CSF2RB: variants seen among roughly 807,000 people sequenced by gnomAD.
CSF2RB encodes the protein cytokine receptor common subunit beta.
Under a neutral mutation model 67.2 loss-of-function variants are expected in CSF2RB, and 22 were observed. The observed-to-expected ratio is 0.33, with a 90% CI of 0.23 to 0.47. CSF2RB has a LOEUF of 0.47. Ranked by LOEUF, CSF2RB falls within the 20% of genes least tolerant of loss-of-function variation. CSF2RB has a pLI of 1.00. For synonymous variants in CSF2RB, 507 were observed against 482.9 expected (o/e 1.05, Z -0.65); for missense variants, 1,113 against 1,174.5 (o/e 0.95, Z 0.76).
At chr22:36,934,171 C>T (rs1407435866) in intron 10 of CSF2RB, among the ~76,000 whole-genome samples, 177 bp downstream of exon 10, 2 of 152,184 alleles carry the variant, frequency 1.3e-5, no homozygotes, top group Non-Finnish European at 2.9e-5. Context: ...GCACCTCCCA[C>T]CTGGTCATCA....
intron 1 of CSF2RB, among the ~76,000 whole-genome samples, chr22:36,919,805 A>T (rs774991594): frequency 9.2e-5 from 14 of 152,202 alleles, no homozygotes; most frequent in Non-Finnish European, 1.8e-4. Flanking sequence ...AATGGCTATG[A>T]TTCTCAAATC....
In CSF2RB at chr22:36,940,367, C is replaced by G. The variant is rs571786913; in HGVS notation, c.*1865C>G. 1 of 152,178 alleles carries G rather than the reference C, an allele frequency of 6.6e-6. No homozygotes were observed. The highest frequency in any genetic ancestry group is 1.9e-4 in the East Asian group (1 of 5,186). 9.4% of individuals were successfully genotyped at this position (152,178 alleles called of 1,614,324 possible). A position where few individuals can be genotyped will look rare whatever the true frequency, so the allele number is the denominator to read the frequency against. ...AACCAATGTGGATTAGAAAGAAGTCCGAGATATTAATTCCAAAATATCCAG... is the reference window on the plus strand; with the variant it reads ...AACCAATGTGGATTAGAAAGAAGTCGGAGATATTAATTCCAAAATATCCAG... On this transcript the variant is annotated 3_prime_UTR_variant, in exon 14 of 14. Transcript: ENST00000403662.
chr22:36,924,743 G>A (rs1472572295), intron 3 of CSF2RB, among the ~76,000 whole-genome samples: 1 of 152,068 alleles, frequency 6.6e-6, no homozygotes, highest in Non-Finnish European at 1.5e-5. Flanking sequence ...GGCAGCCCCT[G>A]ACAAGGAGGA....
intron 1 of CSF2RB, among the ~76,000 whole-genome samples, chr22:36,920,706 T>G (rs2145776241): frequency 6.6e-6 from 1 of 152,356 alleles, no homozygotes; most frequent in South Asian, 2.1e-4. Context: ...TTTGTCTCTG[T>G]GATGTCTCCT....
chr22:36,927,085 C>T (rs956573807), intron 4 of CSF2RB, among the ~76,000 whole-genome samples: 5 of 152,128 alleles, frequency 3.3e-5, no homozygotes, highest in African/African-American at 7.2e-5. Flanking sequence ...TCTGAGTCCC[C>T]GGTCCTAACC....
chr22:36,922,634 C>T (rs891115094), intron 2 of CSF2RB: 68 of 439,352 alleles, frequency 1.5e-4, no homozygotes, highest in East Asian at 1.4e-3. Context: ...CGGGACTTTG[C>T]TCCTGCAGGG....
intron 10 of CSF2RB, among the ~76,000 whole-genome samples, chr22:36,934,449 C>T (rs978109989): frequency 8.5e-5 from 13 of 152,206 alleles, no homozygotes; most frequent in African/African-American, 3.1e-4. Context: ...GTCTCATGAT[C>T]GCTCCTCCTT....
chr22:36,940,021 C>A lies in CSF2RB; in HGVS notation c.*1519C>A, dbSNP rs184861312. On this transcript the variant is annotated 3_prime_UTR_variant, in exon 14 of 14. Transcript: ENST00000403662. Reference sequence around the variant, plus strand: ...TGAGGTGCCTTTTGGTACTGAAATTCTTTTTCCATGTACCTGAAGTGTTAC... The same window carrying A: ...TGAGGTGCCTTTTGGTACTGAAATTATTTTTCCATGTACCTGAAGTGTTAC... 6 of 152,276 alleles carry A rather than the reference C, an allele frequency of 3.9e-5. No homozygotes were observed. The highest frequency in any genetic ancestry group is 1.4e-4 in the African/African-American group (6 of 41,546). 9.4% of individuals were successfully genotyped at this position (152,276 alleles called of 1,614,324 possible). A position where few individuals can be genotyped will look rare whatever the true frequency, so the allele number is the denominator to read the frequency against.
At position 36,929,690 on chromosome 22, in the gene CSF2RB, C is replaced by A. The variant is rs777336576; in HGVS notation, c.601C>A (p.His201Asn). 7.4e-6 allele frequency: 12 copies of A among 1,614,250 alleles called. No homozygotes were observed. In the South Asian group the frequency reaches 1.3e-4, roughly 18 times the overall value. ...CTCCCAGGCCACCCTGGGGCCAGAG[C>A]ACCTCATGCCCAGCAGCACCTACGT... The part of the protein sequence containing the change: ...NTSQATLGPE[H>N]LMPSSTYVAR... Residue 201 changes from histidine (H) to asparagine (N), a missense_variant, in exon 6 of 14, where the codon CAC (histidine) becomes AAC (asparagine). This residue lies in a region of CSF2RB where 559 missense variants were observed against 656.5 expected (regional missense o/e 0.85). Coordinates refer to ENST00000403662, the MANE Select transcript of CSF2RB (RefSeq NM_000395.3).
intron 1 of CSF2RB, among the ~76,000 whole-genome samples, chr22:36,919,300 T>G (rs144668847): frequency 3.9e-5 from 6 of 152,208 alleles, no homozygotes; most frequent in African/African-American, 1.4e-4. Flanking sequence ...AAACCTAAAG[T>G]TTTCTCTAAG....
At chr22:36,914,839 C>T (rs547150721) in intron 1 of CSF2RB, among the ~76,000 whole-genome samples, 14 of 152,048 alleles carry the variant, frequency 9.2e-5, no homozygotes, top group Non-Finnish European at 1.5e-4. Flanking sequence ...ACAGATATAC[C>T]AACACCACAG....
rs375783135 is a variant in CSF2RB, at chr22:36,930,758, G to A, written c.940G>A (p.Ala314Thr). The A allele has an allele frequency of 4.2e-5, 68 of 1,613,806 alleles. 1 individual carries two copies. The highest frequency in any genetic ancestry group is 1.2e-4 in the South Asian group (11 of 91,074). Residue 314 changes from alanine to threonine, a missense_variant, in exon 8 of 14, where the codon GCG becomes ACG. Ala to Thr is a moderately conservative substitution (Grantham distance 58, BLOSUM62 0). Transcript: ENST00000403662. ...HHCQIPVPDP[A>T]THGQYIVSVQ... ...CTGCCAGATTCCCGTGCCCGACCCCGCGACCCACGGCCAATACATCGTCTC... is the reference window on the plus strand; with the variant it reads ...CTGCCAGATTCCCGTGCCCGACCCCACGACCCACGGCCAATACATCGTCTC...
intron 13 of CSF2RB, 61 bp downstream of exon 13, chr22:36,936,713 G>C: frequency 7.0e-7 from 1 of 1,438,106 alleles, no homozygotes; most frequent in Non-Finnish European, 9.6e-7. Context: ...TGACTCCATT[G>C]TGGAAATCAG....
rs767022834 is a variant in CSF2RB at position 36,929,619 on chromosome 22, C to T, written c.550-20C>T. 2 of 1,614,240 alleles carry T rather than the reference C, an allele frequency of 1.2e-6. No individual in the cohort carries two copies. The highest frequency in any genetic ancestry group is 1.7e-6 in the Non-Finnish European group (2 of 1,180,032). ...GGGATGGGCAGCACCCCTCCTCCAG[C>T]ACCCACTGTCTCCTGACAGGACGCA... On this transcript the variant is annotated intron_variant, in intron 5 of 13. Coordinates refer to ENST00000403662, the MANE Select transcript of CSF2RB (RefSeq NM_000395.3).
intron 8 of CSF2RB, among the ~76,000 whole-genome samples, chr22:36,931,299 T>G (rs1445264361): frequency 6.6e-6 from 1 of 152,270 alleles, no homozygotes. Flanking sequence ...GTTTCTGTGA[T>G]GTAACAAGGA....
intron 12 of CSF2RB, 23 bp downstream of exon 12, chr22:36,935,710 G>C (rs201609349): frequency 1.2e-6 from 2 of 1,608,664 alleles, no homozygotes. Flanking sequence ...TGCGAGGGGC[G>C]GAGTGGGGGC....
chr22:36,934,733 G>A (rs966888280), intron 10 of CSF2RB, among the ~76,000 whole-genome samples: 2 of 152,342 alleles, frequency 1.3e-5, no homozygotes. Flanking sequence ...GGTGGTTTCA[G>A]AGAGAGTAAG....
chr22:36,938,685 T>C lies in CSF2RB; in HGVS notation c.*183T>C, dbSNP rs957502774. The C allele has an allele frequency of 3.2e-5, 20 of 619,750 alleles. No homozygotes were observed. In the African/African-American group the frequency reaches 3.7e-4, roughly 11 times the overall value. 38.4% of individuals were successfully genotyped at this position (619,750 alleles called of 1,614,324 possible). On this transcript the variant is annotated 3_prime_UTR_variant, in exon 14 of 14. Transcript: ENST00000403662. ...CAGCAAATCACTTCTCTCCCTGCGC[T>C]CACACAGACACACACACACACACGT... is the stretch of plus-strand genomic sequence containing the variant.
chr22:36,923,732 G>A, intron 3 of CSF2RB: 7 of 1,307,092 alleles, frequency 5.4e-6, no homozygotes, highest in Middle Eastern at 2.1e-4. Context: ...AGCCCCAGCT[G>A]TGCCACTGCC....
Sources: allele counts gnomAD v4.1 joint callset (sites outside exome capture counted in the v4.1 genomes callset), GRCh38; gene constraint gnomAD v4.1.1; regional missense constraint gnomAD v4.1.1; transcripts MANE v1.5; gene names NCBI Gene and HGNC (gene_info 2026-07-23, HGNC 2026-07-21).